The following NFE2L3 variants were observed in gnomAD, a reference collection of about 807,000 sequenced individuals.
NFE2L3 encodes NFE2 like bZIP transcription factor 3, also known as nuclear factor erythroid 2-related factor 3.
In NFE2L3, 18 loss-of-function variants were observed where a neutral mutation model predicts 23.5. The observed-to-expected ratio is 0.77, with a 90% CI of 0.53 to 1.13. NFE2L3 has a LOEUF of 1.13. Ranked by LOEUF, NFE2L3 falls within the 50% of genes most tolerant of loss-of-function variation. NFE2L3 has a pLI of 0.00. For missense variants in NFE2L3, 1,152 were observed against 877.2 expected, an observed-to-expected ratio of 1.31 and a Z score of -3.96; for synonymous variants, 424 against 354.5, an observed-to-expected ratio of 1.20 and a Z score of -2.20.
At chr7:26,153,104 T>C (rs1583923163) in intron 1 of NFE2L3, 36 bp downstream of exon 1, 1 of 1,497,400 alleles carries the variant, frequency 6.7e-7, no homozygotes, top group Non-Finnish European at 8.9e-7. Context: ...AAGTGCGGCG[T>C]CTACGCCGCC....
At chr7:26,165,447 TTGTC>T (rs1784233346) in intron 1 of NFE2L3, among the ~76,000 whole-genome samples, 1 of 152,202 alleles carries the variant, frequency 6.6e-6, no homozygotes, top group African/African-American at 2.4e-5. Flanking sequence ...TTGGCTCTGT[TTGTC>T]TGTTATTGGT....
At chr7:26,157,682 AG>A (rs1334756896) in intron 1 of NFE2L3, among the ~76,000 whole-genome samples, 1 of 152,206 alleles carries the variant, frequency 6.6e-6, no homozygotes, top group Non-Finnish European at 1.5e-5. Context: ...TGTTTACTAA[AG>A]GAAGTTGTAA....
rs1377580508 is a variant in NFE2L3, at chr7:26,154,294, G to T, written c.570+1226G>T. 2.0e-5 allele frequency among the ~76,000 whole-genome samples: 3 copies of T among 152,102 alleles called. No individual in the cohort carries two copies. The East Asian group carries it at 5.8e-4, about 29-fold the overall frequency. Reference sequence around the variant, plus strand: ...CACTCATCCAATCTGGACCCCATGGGGTCTGTCTCACCTAAATGCTCTGCC... The same window carrying T: ...CACTCATCCAATCTGGACCCCATGGTGTCTGTCTCACCTAAATGCTCTGCC... On this transcript the variant is annotated intron_variant, in intron 1 of 3. Coordinates refer to ENST00000056233, the MANE Select transcript of NFE2L3 (RefSeq NM_004289.7).
chr7:26,174,047 C>G (rs1784361959), intron 1 of NFE2L3: 1 of 152,216 alleles, frequency 6.6e-6, no homozygotes, highest in Non-Finnish European at 1.5e-5. Flanking sequence ...GTTGAGAGAG[C>G]TTACAGGCAG....
At position 26,184,987 on chromosome 7, in the gene NFE2L3, C is replaced by A; in HGVS notation, c.1289C>A (p.Thr430Asn). 6.2e-7 allele frequency: 1 copy of A among 1,613,812 alleles called. No individual in the cohort carries two copies. Among genetic ancestry groups the A allele is most frequent in the East Asian group, 2.2e-5 (1 of 44,878 alleles). The part of the protein sequence containing the change: ...GLSLDSSHNN[T>N]SVIKSNSSHS... ...TCTTTAGATTCAAGTCACAATAATA[C>A]CTCTGTCATCAAGTCTAATTCCTCT... The change falls in exon 4 of 4, where the codon ACC (threonine) becomes AAC (asparagine). Residue 430 changes from threonine (T) to asparagine (N), a missense_variant. Transcript: ENST00000056233.
chr7:26,159,473 C>G (rs1418817543), intron 1 of NFE2L3, among the ~76,000 whole-genome samples: 2 of 152,202 alleles, frequency 1.3e-5, no homozygotes, highest in Non-Finnish European at 2.9e-5. Flanking sequence ...GAGACTGGGT[C>G]TTGGCTTTCA....
chr7:26,183,381 C>G (rs148779228), intron 2 of NFE2L3, among the ~76,000 whole-genome samples: 7,456 of 152,046 alleles, frequency 0.049, 550 homozygotes, highest in East Asian at 0.36. Context: ...AACCCTGTCT[C>G]TACTAAAAAT....
At chr7:26,173,511 T>C (rs1424254654) in intron 1 of NFE2L3, 1 of 152,224 alleles carries the variant, frequency 6.6e-6, no homozygotes, top group Admixed American at 6.5e-5. Context: ...CACTAGCAAG[T>C]TTTTAAACAA....
chr7:26,182,862 C>T (rs1406979484), intron 2 of NFE2L3, among the ~76,000 whole-genome samples: 2 of 152,172 alleles, frequency 1.3e-5, no homozygotes, highest in African/African-American at 2.4e-5. Context: ...AGCGCTGTCA[C>T]GACTCACTGC....
At chr7:26,170,350 C>T (rs1392764081) in intron 1 of NFE2L3, among the ~76,000 whole-genome samples, 2 of 152,138 alleles carry the variant, frequency 1.3e-5, no homozygotes, top group Non-Finnish European at 2.9e-5. Context: ...CGAATCTGTC[C>T]CCACCTCAGT....
chr7:26,172,064 G>A (rs1475961698), intron 1 of NFE2L3, among the ~76,000 whole-genome samples: 1 of 152,180 alleles, frequency 6.6e-6, no homozygotes, highest in Non-Finnish European at 1.5e-5. Flanking sequence ...CATTATTTGG[G>A]AAGCATAGCT....
Position 26,152,650 on chromosome 7 carries a change from G to A in NFE2L3, c.152G>A (p.Gly51Asp). ...LLQDELLFLG[G>D]PASSAYALSP... ...CAGGACGAGCTGCTGTTCCTGGGCG[G>A]CCCGGCCAGCTCCGCCTACGCGCTC... The change falls in exon 1 of 4, where the codon GGC becomes GAC. Residue 51 changes from glycine (G) to aspartate (D), a missense_variant. Physicochemically the swap from Gly to Asp is moderately conservative, Grantham distance 94. Coordinates refer to ENST00000056233, the MANE Select transcript of NFE2L3 (RefSeq NM_004289.7). The surrounding 1 kb of genome is among the most constrained non-coding windows in gnomAD (Gnocchi z 4.4). 1 of 1,506,560 alleles carries A rather than the reference G, an allele frequency of 6.6e-7. No individual in the cohort carries two copies. The highest frequency in any genetic ancestry group is 8.8e-7 in the Non-Finnish European group (1 of 1,136,230). 93.3% of individuals were successfully genotyped at this position (1,506,560 alleles called of 1,614,324 possible).
intron 1 of NFE2L3, among the ~76,000 whole-genome samples, chr7:26,166,797 GCCTCAGAGTGCTTTGGCCTTACCATTCT>G (rs1784257986): frequency 6.6e-6 from 1 of 152,182 alleles, no homozygotes; most frequent in Non-Finnish European, 1.5e-5. Context: ...CTAGAGACAG[GCCTCAGAGTGCTTTGGCCTTACCATTCT>G]CCCTCTGACG....
rs764897783 is a variant in NFE2L3, at chr7:26,185,446, G to A, written c.1748G>A (p.Arg583Lys). 17 of 1,614,098 alleles carry A rather than the reference G, an allele frequency of 1.1e-5. 1 individual carries two copies. The South Asian group carries it at 1.6e-4, about 16-fold the overall frequency. Reference sequence around the variant, plus strand: ...CAAGTCTCACTTATCCGTGACATCAGACGAAGAGGGAAAAATAAAGTTGCT... The same window carrying A: ...CAAGTCTCACTTATCCGTGACATCAAACGAAGAGGGAAAAATAAAGTTGCT... ...DLQVSLIRDIRRRGKNKVAAQ... is the reference protein window; with the variant it reads ...DLQVSLIRDIKRRGKNKVAAQ... The change falls in exon 4 of 4, where the codon AGA becomes AAA. Residue 583 changes from arginine to lysine, a missense_variant. By Grantham distance (26) the Arg-to-Lys change is conservative. Transcript: ENST00000056233.
intron 1 of NFE2L3, among the ~76,000 whole-genome samples, chr7:26,161,825 GCT>G (rs1419896227): frequency 2.0e-5 from 3 of 152,110 alleles, no homozygotes; most frequent in Non-Finnish European, 4.4e-5. Flanking sequence ...TGCAGAATTA[GCT>G]TGCACATAAG....
rs896021252 is a variant in NFE2L3 at position 26,185,623 on chromosome 7, A to G, written c.1925A>G (p.Tyr642Cys). The change falls in exon 4 of 4, where the codon TAT becomes TGT. Residue 642 changes from tyrosine to cysteine, a missense_variant. Tyr to Cys is a radical substitution (Grantham distance 194). Coordinates refer to ENST00000056233, the MANE Select transcript of NFE2L3 (RefSeq NM_004289.7). Reference sequence around the variant, plus strand: ...ATGAAACAGAAACTGCATGACCTTTATCATGATATTTTTAGTAGATTAAGA... The same window carrying G: ...ATGAAACAGAAACTGCATGACCTTTGTCATGATATTTTTAGTAGATTAAGA... ...NIMKQKLHDLYHDIFSRLRDD... is the reference protein window; with the variant it reads ...NIMKQKLHDLCHDIFSRLRDD... 1.9e-6 allele frequency: 3 copies of G among 1,613,824 alleles called. No homozygotes were observed. The highest frequency in any genetic ancestry group is 2.7e-5 in the African/African-American group (2 of 74,922).
chr7:26,180,990 C>A (rs960548817), intron 2 of NFE2L3, among the ~76,000 whole-genome samples: 1 of 150,958 alleles, frequency 6.6e-6, no homozygotes, highest in African/African-American at 2.4e-5. Flanking sequence ...AGGAAGGCGG[C>A]GGGGGAGACA....
intron 1 of NFE2L3, among the ~76,000 whole-genome samples, chr7:26,161,170 GAGA>G (rs1436072216): frequency 6.6e-6 from 1 of 152,122 alleles, no homozygotes; most frequent in Admixed American, 6.5e-5. Context: ...GTTCCATGTT[GAGA>G]AGATCAGACT....
intron 1 of NFE2L3, among the ~76,000 whole-genome samples, chr7:26,157,499 T>G (rs1016475489): frequency 2.0e-5 from 3 of 152,182 alleles, no homozygotes; most frequent in East Asian, 3.8e-4. Flanking sequence ...ATTGTTAAAG[T>G]AAAAATTGTT....
Sources: allele counts gnomAD v4.1 joint callset (sites outside exome capture counted in the v4.1 genomes callset), GRCh38; gene constraint gnomAD v4.1.1; non-coding constraint Gnocchi (gnomAD v3.1); transcripts MANE v1.5; gene names NCBI Gene and HGNC (gene_info 2026-07-23, HGNC 2026-07-21).